IL1RAPL1: variants seen among roughly 807,000 people sequenced by gnomAD.
IL1RAPL1 encodes the protein interleukin 1 receptor accessory protein like 1.
A neutral mutation model predicts 48.4 loss-of-function variants in IL1RAPL1; 3 were observed. That is an observed-to-expected ratio of 0.06 (90% CI 0.03 to 0.16). The LOEUF is 0.16. Ranked by LOEUF, IL1RAPL1 falls within the 10% of genes least tolerant of loss-of-function variation. IL1RAPL1 has a pLI of 1.00. For missense variants in IL1RAPL1, 349 were observed against 530.6 expected (o/e 0.66, Z 3.36); for synonymous variants, 185 against 187.7 (o/e 0.99, Z 0.12).
chrX:29,950,763 G>A (rs1933298549), intron 9 of IL1RAPL1, among the ~76,000 whole-genome samples: 1 of 105,525 alleles, frequency 9.5e-6, no homozygotes, highest in Non-Finnish European at 1.9e-5. Context: ...TGCAAGCTCC[G>A]CCTCCCGGGT....
At chrX:29,038,896 A>G (rs1213501076) in intron 2 of IL1RAPL1, among the ~76,000 whole-genome samples, 1 of 111,392 alleles carries the variant, frequency 9.0e-6, no homozygotes, top group East Asian at 2.8e-4. Flanking sequence ...TACAATTTCC[A>G]ATTTCAGTTT....
At chrX:29,153,336 A>T (rs184367495) in intron 2 of IL1RAPL1, among the ~76,000 whole-genome samples, 92 of 111,752 alleles carry the variant, frequency 8.2e-4, no homozygotes, top group Admixed American at 2.1e-3. Context: ...TTATAAGGTA[A>T]TATATTCGCA....
intron 2 of IL1RAPL1, among the ~76,000 whole-genome samples, chrX:29,193,637 A>G (rs1010826249): frequency 1.8e-5 from 2 of 111,184 alleles, no homozygotes; most frequent in Non-Finnish European, 3.8e-5. Flanking sequence ...GGCGGGTGTC[A>G]TGATAAAAAT....
intron 1 of IL1RAPL1, among the ~76,000 whole-genome samples, chrX:28,696,658 T>C (rs2146927952): frequency 9.0e-6 from 1 of 111,472 alleles, no homozygotes; most frequent in African/African-American, 3.2e-5. Context: ...TCTGTACAAC[T>C]ATGATATGTC....
At chrX:28,954,456 C>T (rs1266139874) in intron 2 of IL1RAPL1, among the ~76,000 whole-genome samples, 4 of 110,206 alleles carry the variant, frequency 3.6e-5, no homozygotes, top group Non-Finnish European at 7.6e-5. Context: ...GGATTGCCCC[C>T]ACTTTAGTTA....
chrX:29,035,471 G>A (rs1602022763), intron 2 of IL1RAPL1, among the ~76,000 whole-genome samples: 1 of 111,388 alleles, frequency 9.0e-6, no homozygotes, highest in East Asian at 2.8e-4. Context: ...AAAGAAAAAA[G>A]TTAGGTACCT....
intron 2 of IL1RAPL1, among the ~76,000 whole-genome samples, chrX:28,795,141 C>G (rs1475625003): frequency 9.0e-6 from 1 of 110,510 alleles, no homozygotes; most frequent in African/African-American, 3.3e-5. Flanking sequence ...GTTTCTTTAC[C>G]TTTTGAAGTT....
chrX:29,497,996 A>C (rs917362512), intron 5 of IL1RAPL1, among the ~76,000 whole-genome samples: 2 of 112,207 alleles, frequency 1.8e-5, no homozygotes, highest in Non-Finnish European at 3.8e-5. Context: ...AGAGACAGAG[A>C]CACTAAAACA....
At chrX:28,931,988 G>A (rs1356360703) in intron 2 of IL1RAPL1, among the ~76,000 whole-genome samples, 1 of 108,413 alleles carries the variant, frequency 9.2e-6, no homozygotes, top group African/African-American at 3.4e-5. Flanking sequence ...CTTGCAGTGA[G>A]CCAAGATCAC....
At chrX:28,829,512 T>C (rs1920996674) in intron 2 of IL1RAPL1, among the ~76,000 whole-genome samples, 1 of 110,339 alleles carries the variant, frequency 9.1e-6, no homozygotes, top group Non-Finnish European at 1.9e-5. Flanking sequence ...GGAAGTTCCC[T>C]TCTGATTCCA....
At chrX:29,015,462 A>C (rs749475833) in intron 2 of IL1RAPL1, among the ~76,000 whole-genome samples, 2 of 110,888 alleles carry the variant, frequency 1.8e-5, no homozygotes, top group Non-Finnish European at 3.8e-5. Flanking sequence ...TTGATGGTAG[A>C]TGCCATGAGT....
chrX:29,129,588 A>ATTTTTTTTTTTTTTTTTTTTT (rs754196116), intron 2 of IL1RAPL1, among the ~76,000 whole-genome samples: 1 of 59,870 alleles, frequency 1.7e-5, no homozygotes, highest in Non-Finnish European at 2.8e-5. Flanking sequence ...AATAATGTAA[A>ATTTTTTTTTTTTTTTTTTTTT]TTTTTTTTTT....
chrX:29,442,931 G>A (rs1053418510), intron 5 of IL1RAPL1, among the ~76,000 whole-genome samples: 1 of 80,826 alleles, frequency 1.2e-5, no homozygotes, highest in African/African-American at 4.5e-5. Flanking sequence ...AGATGGATAA[G>A]TAAAATAATA....
At chrX:29,304,793 G>C (rs990568945) in intron 3 of IL1RAPL1, among the ~76,000 whole-genome samples, 3 of 112,364 alleles carry the variant, frequency 2.7e-5, no homozygotes, top group Non-Finnish European at 5.6e-5. Flanking sequence ...TATTTGAGAC[G>C]AAGTTTCACT....
At chrX:29,080,122 A>C (rs1927768025) in intron 2 of IL1RAPL1, among the ~76,000 whole-genome samples, 1 of 110,680 alleles carries the variant, frequency 9.0e-6, no homozygotes, top group South Asian at 3.9e-4. Context: ...ACAGTGTCTC[A>C]CCCCTGTAAT....
chrX:28,761,384 A>G (rs1936169780), intron 1 of IL1RAPL1, among the ~76,000 whole-genome samples: 3 of 111,964 alleles, frequency 2.7e-5, no homozygotes, highest in South Asian at 3.7e-4. Context: ...ATTGTGGTAC[A>G]TATACACTGT....
chrX:28,589,830 C>T (rs768274851), intron 1 of IL1RAPL1, among the ~76,000 whole-genome samples: 2 of 111,327 alleles, frequency 1.8e-5, no homozygotes, highest in Non-Finnish European at 3.8e-5. Context: ...CTTTCTGGGC[C>T]ATTTTAACCT....
At chrX:29,487,582 T>C (rs888909675) in intron 5 of IL1RAPL1, among the ~76,000 whole-genome samples, 1 of 112,244 alleles carries the variant, frequency 8.9e-6, no homozygotes, top group Non-Finnish European at 1.9e-5. Flanking sequence ...GTAATAGTCC[T>C]GTGCTGAGGA....
At chrX:29,644,546 GT>G (rs371435532) in intron 5 of IL1RAPL1, among the ~76,000 whole-genome samples, 4,283 of 98,768 alleles carry the variant, frequency 0.043, 180 homozygotes, top group African/African-American at 0.15. Flanking sequence ...TCTATCATGT[GT>G]TTTTTTTTTT....
Sources: allele counts gnomAD v4.1 joint callset (sites outside exome capture counted in the v4.1 genomes callset), GRCh38; gene constraint gnomAD v4.1.1; transcripts MANE v1.5; gene names NCBI Gene and HGNC (gene_info 2026-07-23, HGNC 2026-07-21).